WLS: variants seen among roughly 807,000 people sequenced by gnomAD.
WLS encodes the protein protein wntless homolog.
WLS carries 23 observed loss-of-function variants against 62.8 expected under a neutral mutation model. The ratio of observed to expected loss-of-function variants is 0.37; its 90% CI spans 0.26 to 0.52. The LOEUF is 0.52. Ranked by LOEUF, WLS falls within the 20% of genes least tolerant of loss-of-function variation. The probability of loss-of-function intolerance (pLI) is 0.92; values close to 1 mark genes in which losing one functional copy is unlikely to be tolerated. For synonymous variants in WLS, 246 were observed against 244.1 expected, an observed-to-expected ratio of 1.01 and a Z score of -0.07; for missense variants, 615 against 697.3, an observed-to-expected ratio of 0.88 and a Z score of 1.33.
chr1:68,226,913 C>A (rs1650165291), intron 1 of WLS, among the ~76,000 whole-genome samples: 1 of 152,094 alleles, frequency 6.6e-6, no homozygotes, highest in Admixed American at 6.5e-5. Flanking sequence ...ATTTTAAGGT[C>A]AAATCATTGT....
chr1:68,188,251 C>T (rs1369430868), intron 2 of WLS, among the ~76,000 whole-genome samples: 2 of 152,200 alleles, frequency 1.3e-5, no homozygotes, highest in Non-Finnish European at 2.9e-5. Context: ...GGGGACCAGA[C>T]TTACATATAC....
chr1:68,214,060 A>C (rs1649630823), intron 1 of WLS, among the ~76,000 whole-genome samples: 1 of 152,220 alleles, frequency 6.6e-6, no homozygotes, highest in Non-Finnish European at 1.5e-5. Flanking sequence ...TCACACAGAC[A>C]TCCAGCCCAG....
At chr1:68,215,119 TGG>T (rs909288622) in intron 1 of WLS, among the ~76,000 whole-genome samples, 4 of 151,712 alleles carry the variant, frequency 2.6e-5, no homozygotes, top group African/African-American at 4.8e-5. Context: ...GGACTGAGAG[TGG>T]GGAAAAAAAT....
intron 4 of WLS, 148 bp downstream of exon 4, chr1:68,154,951 A>G (rs1646875552): frequency 2.3e-6 from 2 of 882,856 alleles, no homozygotes; most frequent in Non-Finnish European, 3.4e-6. Flanking sequence ...GTAATCTCTC[A>G]CACAAATTAG....
At chr1:68,177,505 C>T (rs1008522533) in intron 2 of WLS, among the ~76,000 whole-genome samples, 3 of 152,058 alleles carry the variant, frequency 2.0e-5, no homozygotes, top group Admixed American at 6.6e-5. Flanking sequence ...TATTCAAGTC[C>T]GAGAATAATA....
chr1:68,219,982 T>C (rs1203087267), intron 1 of WLS, among the ~76,000 whole-genome samples: 1 of 152,134 alleles, frequency 6.6e-6, no homozygotes, highest in Non-Finnish European at 1.5e-5. Flanking sequence ...ATAAATCTCT[T>C]CCACATAATG....
At chr1:68,188,859 A>G (rs1648124978) in intron 2 of WLS, among the ~76,000 whole-genome samples, 2 of 152,228 alleles carry the variant, frequency 1.3e-5, no homozygotes, top group Non-Finnish European at 2.9e-5. Context: ...TGAGCCAGGA[A>G]GCGAGAGGAC....
chr1:68,123,317 C>A (rs916749862), downstream of WLS, among the ~76,000 whole-genome samples: 131 of 152,246 alleles, frequency 8.6e-4, 1 homozygote, highest in Non-Finnish European at 3.5e-4. Flanking sequence ...TTGTTTCTTT[C>A]GTCTTTTTTC....
At chr1:68,173,451 A>G (rs1193083217) in intron 2 of WLS, among the ~76,000 whole-genome samples, 2 of 152,162 alleles carry the variant, frequency 1.3e-5, no homozygotes, top group Non-Finnish European at 2.9e-5. Context: ...ATTAGAGAAG[A>G]CAGCTTCATT....
chr1:68,193,365 TCA>T (rs2100602663), intron 2 of WLS, among the ~76,000 whole-genome samples: 1 of 118,752 alleles, frequency 8.4e-6, no homozygotes, highest in Non-Finnish European at 1.6e-5. Context: ...TTTATATGTC[TCA>T]TGCCCTCAGA....
chr1:68,110,691 C>CTCTCTCTCTCTCTCTCTCTCTCTCT (rs1646216406), intron 11 of WLS, among the ~76,000 whole-genome samples: 1 of 143,072 alleles, frequency 7.0e-6, no homozygotes, highest in African/African-American at 2.6e-5. Flanking sequence ...CTCTCTCTCT[C>CTCTCTCTCTCTCTCTCTCTCTCTCT]CATATATATA....
At position 68,125,435 on chromosome 1, in the gene WLS, A is replaced by G. The variant is rs1646415304; in HGVS notation, c.*791T>C. 1 of 985,326 alleles carries G rather than the reference A, an allele frequency of 1.0e-6. No homozygotes were observed. Among genetic ancestry groups the G allele is most frequent in the Non-Finnish European group, 1.2e-6 (1 of 829,950 alleles). 61.0% of individuals were successfully genotyped at this position (985,326 alleles called of 1,614,324 possible). A position where few individuals can be genotyped will look rare whatever the true frequency, so the allele number is the denominator to read the frequency against. ...GGTTTATTTAAATGATTGGATCTAC[A>G]CTTTTGGAGGCTATTTGAAGTATCT... is the stretch of plus-strand genomic sequence containing the variant. On this transcript the variant is annotated 3_prime_UTR_variant, in exon 12 of 12. Coordinates refer to ENST00000262348, the MANE Select transcript of WLS (RefSeq NM_024911.7).
rs113384079 is a variant in WLS, at chr1:68,170,536, A to C, written c.380-11289T>G. On this transcript the variant is annotated intron_variant, in intron 2 of 11. Transcript: ENST00000262348. ...TGCTGTACTCAGGGTCCCCATAATC[A>C]CACCAAATTTTATGAAGAGATGCCT... 2.3e-4 allele frequency among the ~76,000 whole-genome samples: 35 copies of C among 152,152 alleles called. 2 individuals carry two copies. The highest frequency in any genetic ancestry group is 7.7e-4 in the African/African-American group (32 of 41,512).
chr1:68,194,827 A>G (rs1038266733), intron 1 of WLS, among the ~76,000 whole-genome samples: 1 of 152,236 alleles, frequency 6.6e-6, no homozygotes, highest in Non-Finnish European at 1.5e-5. Flanking sequence ...GAACTCAAAC[A>G]CTGACTGATA....
chr1:68,150,859 C>A (rs1422973956), intron 5 of WLS, among the ~76,000 whole-genome samples: 1 of 152,100 alleles, frequency 6.6e-6, no homozygotes, highest in Non-Finnish European at 1.5e-5. Flanking sequence ...TTTACTCTTC[C>A]CCTGTCACAC....
intron 11 of WLS, among the ~76,000 whole-genome samples, chr1:68,129,477 G>C (rs1422200450): frequency 6.6e-6 from 1 of 152,146 alleles, no homozygotes; most frequent in Non-Finnish European, 1.5e-5. Flanking sequence ...GCACTGTTAG[G>C]GGTTTAGCAT....
At chr1:68,208,369 T>A (rs1041288763) in intron 1 of WLS, among the ~76,000 whole-genome samples, 1 of 152,074 alleles carries the variant, frequency 6.6e-6, no homozygotes, top group Non-Finnish European at 1.5e-5. Flanking sequence ...CCGATGAGGA[T>A]TCAACTATTG....
chr1:68,127,019 T>C (rs1646441131), intron 11 of WLS: 3 of 348,690 alleles, frequency 8.6e-6, no homozygotes, highest in Non-Finnish European at 1.7e-5. Flanking sequence ...AGCGAGACCC[T>C]GACTCTAAAA....
chr1:68,194,283 C>G, intron 1 of WLS, 56 bp from the exon 2 acceptor site: 1 of 1,582,558 alleles, frequency 6.3e-7, no homozygotes, highest in East Asian at 2.2e-5. Flanking sequence ...ACTACTGTTT[C>G]TGGTTAATAT....
Sources: allele counts gnomAD v4.1 joint callset (sites outside exome capture counted in the v4.1 genomes callset), GRCh38; gene constraint gnomAD v4.1.1; transcripts MANE v1.5; gene names NCBI Gene and HGNC (gene_info 2026-07-23, HGNC 2026-07-21).